MYOM2: variants seen among roughly 807,000 people sequenced by gnomAD.
MYOM2 encodes the protein myomesin-2.
Under a neutral mutation model 187.6 loss-of-function variants are expected in MYOM2, and 254 were observed. The ratio of observed to expected loss-of-function variants is 1.35; its 90% CI spans 1.22 to 1.50. MYOM2 has a LOEUF of 1.50. MYOM2 is among the 40% of genes most tolerant of loss of function. The pLI is 0.00. For missense variants in MYOM2, 2,796 were observed against 1,924.0 expected (o/e 1.45, Z -8.48); for synonymous variants, 981 against 753.8 (o/e 1.30, Z -4.94).
In MYOM2 at chr8:2,132,802, C is replaced by G. The variant is rs137864578; in HGVS notation, c.3800+3570C>G. On this transcript the variant is annotated intron_variant, in intron 32 of 36. Coordinates refer to ENST00000262113, the MANE Select transcript of MYOM2 (RefSeq NM_003970.4). The stretch of plus-strand genomic sequence containing the variant: ...TTAATTCATTTCAGGAGATTTCACA[C>G]GCAGAGTCTGACTTTGTAAATGCTC... Among the ~76,000 whole-genome samples the G allele has an allele frequency of 3.3e-5, 5 of 152,316 alleles. No individual in the cohort carries two copies. The East Asian group carries it at 5.8e-4, about 18-fold the overall frequency.
At chr8:2,117,381 A>T (rs1172854669) in intron 27 of MYOM2, among the ~76,000 whole-genome samples, 3 of 152,238 alleles carry the variant, frequency 2.0e-5, no homozygotes, top group African/African-American at 7.2e-5. Flanking sequence ...TTTTAAAAAC[A>T]TATATAAACC....
At chr8:2,105,170 C>T (rs1796850074) in intron 21 of MYOM2, among the ~76,000 whole-genome samples, 1 of 152,154 alleles carries the variant, frequency 6.6e-6, no homozygotes, top group Non-Finnish European at 1.5e-5. Context: ...ACATCCAAAC[C>T]ACAGCCCCAG....
At position 2,140,737 on chromosome 8, in the gene MYOM2, C is replaced by T. The variant is rs1210050942; in HGVS notation, c.3815C>T (p.Ser1272Leu). 2 of 1,613,978 alleles carry T rather than the reference C, an allele frequency of 1.2e-6. No homozygotes were observed. Among genetic ancestry groups the T allele is most frequent in the South Asian group, 2.2e-5 (2 of 91,062 alleles). The change falls in exon 33 of 37, where the codon TCA becomes TTA. Residue 1272 changes from serine (S) to leucine (L), a missense_variant. Ser to Leu is a moderately radical substitution (Grantham distance 145). Coordinates refer to ENST00000262113, the MANE Select transcript of MYOM2 (RefSeq NM_003970.4). ...CTCTTTTCAAGAGATGCTAAGATCT[C>T]ATCCAGTGAGCATATGAGAATCGGG... ...VNWCHKDAKISSSEHMRIGGS... is the reference protein window; with the variant it reads ...VNWCHKDAKILSSEHMRIGGS...
At position 2,090,002 on chromosome 8, in the gene MYOM2, T is replaced by C. The variant is rs1368495443; in HGVS notation, c.1645-6T>C. On this transcript the variant is annotated splice_region_variant and splice_polypyrimidine_tract_variant and intron_variant, in intron 14 of 36. Transcript: ENST00000262113. ...CTGCCAGTCTCGTTTCTGTTTCTCT[T>C]TGTAGTCCGTGGTGGGGAGCGGCAG... 6.2e-7 allele frequency: 1 copy of C among 1,613,194 alleles called. No homozygotes were observed. Among genetic ancestry groups the C allele is most frequent in the Non-Finnish European group, 8.5e-7 (1 of 1,179,510 alleles).
At chr8:2,052,560 G>A (rs1011824230) in intron 3 of MYOM2, among the ~76,000 whole-genome samples, 2 of 152,218 alleles carry the variant, frequency 1.3e-5, no homozygotes, top group African/African-American at 4.8e-5. Context: ...AGAAGAGAGC[G>A]TTGCTGTTCA....
At chr8:2,134,154 GC>G (rs1343892036) in intron 32 of MYOM2, among the ~76,000 whole-genome samples, 2 of 151,992 alleles carry the variant, frequency 1.3e-5, no homozygotes, top group African/African-American at 4.8e-5. Context: ...TTCCAGGAAC[GC>G]CCTTTTGCAT....
chr8:2,104,009 C>T (rs73186746), intron 21 of MYOM2, among the ~76,000 whole-genome samples: 7,893 of 152,228 alleles, frequency 0.052, 281 homozygotes, highest in Middle Eastern at 0.088. Flanking sequence ...TCTGCCTGTG[C>T]ACTAATGGCC....
intron 15 of MYOM2, among the ~76,000 whole-genome samples, chr8:2,090,959 A>T (rs576300574): frequency 7.1e-6 from 1 of 141,144 alleles, no homozygotes; most frequent in East Asian, 2.2e-4. Context: ...TGGTAGAATG[A>T]TTTATATTCC....
intron 14 of MYOM2, among the ~76,000 whole-genome samples, chr8:2,086,916 C>T (rs148148287): frequency 5.9e-5 from 9 of 151,814 alleles, no homozygotes; most frequent in East Asian, 1.9e-4. Context: ...GGGTTAGACT[C>T]GCCAGATATC....
chr8:2,142,479 T>G lies in MYOM2; in HGVS notation c.4024+82T>G. On this transcript the variant is annotated intron_variant, in intron 35 of 36. Transcript: ENST00000262113. ...TGTCCATATTTTGGAGGACCAACTT[T>G]GTGTATTAAATAATAACCAGCAATC... 3 of 1,392,584 alleles carry G rather than the reference T, an allele frequency of 2.2e-6. No individual in the cohort carries two copies. In the South Asian group the frequency reaches 3.5e-5, roughly 16 times the overall value. The allele number at this position is 1,392,584 out of a possible 1,614,324, so 86.3% of individuals were successfully genotyped here.
chr8:2,060,962 T>C lies in MYOM2; in HGVS notation c.653+1717T>C, dbSNP rs777276152. On this transcript the variant is annotated intron_variant, in intron 6 of 36. Transcript: ENST00000262113. ...CGGATGGGAAATTACTAGGGGGAGA[T>C]GGGGGTGAGGGGGTTCCGGCCGAGC... Among the ~76,000 whole-genome samples the C allele has an allele frequency of 7.8e-4, 116 of 148,276 alleles. No individual in the cohort carries two copies. The Middle Eastern group carries it at 0.01, about 13-fold the overall frequency.
chr8:2,094,016 G>A lies in MYOM2; in HGVS notation c.2050G>A (p.Val684Ile), dbSNP rs1796396115. The A allele has an allele frequency of 2.5e-6, 4 of 1,614,184 alleles. No homozygotes were observed. Among genetic ancestry groups the A allele is most frequent in the African/African-American group, 1.3e-5 (1 of 75,030 alleles). ...CACGGGAGAGCAGTACATCTTCCGA[G>A]TCAAGGCGGTCAATGCTGTGGGGAT... Reference protein sequence around the residue: ...LTTGEQYIFRVKAVNAVGMSE... With the variant: ...LTTGEQYIFRIKAVNAVGMSE... The change falls in exon 17 of 37, where the codon GTC becomes ATC. Residue 684 changes from valine (V) to isoleucine (I), a missense_variant. By Grantham distance (29) the Val-to-Ile change is conservative. Transcript: ENST00000262113.
intron 16 of MYOM2, 149 bp downstream of exon 16, chr8:2,092,669 T>C: frequency 1.3e-6 from 1 of 784,180 alleles, no homozygotes; most frequent in Non-Finnish European, 1.9e-6. Flanking sequence ...CTGTATAATT[T>C]TAAAGTTTGA....
intron 10 of MYOM2, among the ~76,000 whole-genome samples, chr8:2,075,377 G>T (rs1227741514): frequency 6.6e-6 from 1 of 152,176 alleles, no homozygotes; most frequent in Non-Finnish European, 1.5e-5. Context: ...AGGCAAAGGT[G>T]GGGAGTTTAA....
chr8:2,069,114 C>G lies in MYOM2; in HGVS notation c.654-164C>G, dbSNP rs188049636. On this transcript the variant is annotated intron_variant, in intron 6 of 36. Transcript: ENST00000262113. ...GTCTATAATTAATACCGAGTGCTGC[C>G]TCACCTTTCCAAGGACAGAGCTGGC... is the stretch of plus-strand genomic sequence containing the variant. 9.9e-4 allele frequency among the ~76,000 whole-genome samples: 150 copies of G among 152,272 alleles called. 4 individuals carry two copies. The East Asian group carries it at 0.021, about 22-fold the overall frequency.
chr8:2,068,942 G>A (rs1038959441), intron 6 of MYOM2, among the ~76,000 whole-genome samples: 2 of 152,176 alleles, frequency 1.3e-5, no homozygotes, highest in Admixed American at 6.5e-5. Flanking sequence ...AGATGAAACC[G>A]CGCATTCCAT....
At chr8:2,046,844 T>C (rs1818327948) in intron 1 of MYOM2, among the ~76,000 whole-genome samples, 1 of 151,422 alleles carries the variant, frequency 6.6e-6, no homozygotes. Flanking sequence ...ATGTAGACAG[T>C]AGAGGGACAT....
chr8:2,054,776 G>A (rs1444904422), intron 3 of MYOM2, among the ~76,000 whole-genome samples: 1 of 152,194 alleles, frequency 6.6e-6, no homozygotes, highest in Non-Finnish European at 1.5e-5. Flanking sequence ...CCTGCAATTT[G>A]GTGGGATTCA....
chr8:2,135,364 C>T (rs1376835985), intron 32 of MYOM2, among the ~76,000 whole-genome samples: 3 of 152,098 alleles, frequency 2.0e-5, no homozygotes, highest in East Asian at 1.9e-4. Context: ...TAGTTATGTT[C>T]ATTTGTTACT....
Sources: allele counts gnomAD v4.1 joint callset (sites outside exome capture counted in the v4.1 genomes callset), GRCh38; gene constraint gnomAD v4.1.1; transcripts MANE v1.5; gene names NCBI Gene and HGNC (gene_info 2026-07-23, HGNC 2026-07-21).